UNC13A: variants seen among roughly 807,000 people sequenced by gnomAD.
UNC13A encodes protein unc-13 homolog A.
In UNC13A, 61 loss-of-function variants were observed where a neutral mutation model predicts 219.7. The ratio of observed to expected loss-of-function variants is 0.28; its 90% confidence interval spans 0.23 to 0.34. The LOEUF is 0.34. Ranked by LOEUF, UNC13A falls within the 10% of genes least tolerant of loss-of-function variation. UNC13A has a pLI of 1.00. For synonymous variants in UNC13A, 920 were observed against 884.6 expected (o/e 1.04, Z -0.71); for missense variants, 1,476 against 2,270.3 (o/e 0.65, Z 7.11).
chr19:17,669,493 G>C, intron 5 of UNC13A, 60 bp downstream of exon 5: 1 of 1,588,358 alleles, frequency 6.3e-7, no homozygotes, highest in South Asian at 1.1e-5. Context: ...TCCTGGAATA[G>C]CTGAGTGAGT....
chr19:17,655,428 C>T, intron 10 of UNC13A, 46 bp from the exon 11 acceptor site: 1 of 1,408,824 alleles, frequency 7.1e-7, no homozygotes, highest in East Asian at 2.5e-5. Flanking sequence ...TCTCCGTGAC[C>T]CCTGAACTTC....
intron 34 of UNC13A, 76 bp from the exon 35 acceptor site, chr19:17,625,028 C>G: frequency 6.4e-7 from 1 of 1,556,170 alleles, no homozygotes; most frequent in Non-Finnish European, 8.7e-7. Context: ...AACAGGTGGG[C>G]AAGGCATTCC....
In UNC13A at chr19:17,627,525, G is replaced by T. The variant is rs570450091; in HGVS notation, c.3904C>A (p.Arg1302=). 6.4e-7 allele frequency: 1 copy of T among 1,560,856 alleles called. No homozygotes were observed. The highest frequency in any genetic ancestry group is 8.7e-7 in the Non-Finnish European group (1 of 1,151,966). ...KLNNVLDELS[R]VFATSFQPHI... ...TGCTCCCACCTGGTAGCAAACACCCGGCTGAGCTCATCCAAGACGTTATTG... is the reference window on the plus strand; with the variant it reads ...TGCTCCCACCTGGTAGCAAACACCCTGCTGAGCTCATCCAAGACGTTATTG... Residue 1302 remains arginine, a synonymous_variant, in exon 33 of 44, where the codon CGG becomes AGG. Coordinates refer to ENST00000519716, the MANE Select transcript of UNC13A (RefSeq NM_001080421.3). The surrounding 1 kb of genome is among the most constrained non-coding windows in gnomAD (Gnocchi z 4.7).
At chr19:17,631,283 C>T (rs940329056) in intron 28 of UNC13A, among the ~76,000 whole-genome samples, 2 of 145,338 alleles carry the variant, frequency 1.4e-5, no homozygotes, top group South Asian at 2.3e-4. Context: ...TGCAGTGGTG[C>T]GATCACAGCT....
chr19:17,606,284 G>A lies in UNC13A; in HGVS notation c.4882C>T (p.Arg1628Cys). The change falls in exon 44 of 44, where the codon CGC (arginine) becomes TGC (cysteine). Residue 1628 changes from arginine to cysteine, a missense_variant. This residue lies in a region of UNC13A where 187 missense variants were observed against 172.3 expected (regional missense o/e 1.09). Coordinates refer to ENST00000519716, the MANE Select transcript of UNC13A (RefSeq NM_001080421.3). Reference sequence around the variant, plus strand: ...GCCAGCCCCACCGTGCGGTCCTCGCGCGCGAAGCAGTAGTCCTTGACGCAC... The same window carrying A: ...GCCAGCCCCACCGTGCGGTCCTCGCACGCGAAGCAGTAGTCCTTGACGCAC... ...QVCVKDYCFA[R>C]EDRTVGLAVL... 1 of 1,548,624 alleles carries A rather than the reference G, an allele frequency of 6.5e-7. No homozygotes were observed. Among genetic ancestry groups the A allele is most frequent in the Non-Finnish European group, 8.7e-7 (1 of 1,146,876 alleles).
At chr19:17,624,604 T>C (rs888067711) in intron 35 of UNC13A, among the ~76,000 whole-genome samples, 1 of 152,170 alleles carries the variant, frequency 6.6e-6, no homozygotes, top group Non-Finnish European at 1.5e-5. Flanking sequence ...ATGACCTCTT[T>C]AACTCTTCGA....
intron 1 of UNC13A, among the ~76,000 whole-genome samples, chr19:17,686,246 C>T (rs2080106579): frequency 6.8e-6 from 1 of 147,782 alleles, no homozygotes; most frequent in African/African-American, 2.5e-5. Context: ...CCCTTAATGC[C>T]ACCCCCGCAG....
chr19:17,624,743 AC>A (rs1055500713), intron 35 of UNC13A, 85 bp downstream of exon 35: 6 of 1,498,894 alleles, frequency 4.0e-6, no homozygotes, highest in East Asian at 2.4e-5. Context: ...CTTTGTTCTT[AC>A]CCCCCAGCCT....
chr19:17,606,096 G>A lies in UNC13A; in HGVS notation c.5070C>T (p.Asp1690=), dbSNP rs1347709238. The change falls in exon 44 of 44, where the codon GAC becomes GAT. Residue 1690 remains aspartate, a synonymous_variant. Coordinates refer to ENST00000519716, the MANE Select transcript of UNC13A (RefSeq NM_001080421.3). ...CACCGCCCTCCTCGGCGGAGCGCGTGTCCGACTTGAGCTTCACGAACTCCT... is the reference window on the plus strand; with the variant it reads ...CACCGCCCTCCTCGGCGGAGCGCGTATCCGACTTGAGCTTCACGAACTCCT... The part of the protein sequence containing the change: ...VAKEFVKLKS[D]TRSAEEGGAA... 1 of 1,592,746 alleles carries A rather than the reference G, an allele frequency of 6.3e-7. No individual in the cohort carries two copies. Among genetic ancestry groups the A allele is most frequent in the Non-Finnish European group, 8.5e-7 (1 of 1,172,268 alleles).
intron 28 of UNC13A, 40 bp downstream of exon 28, chr19:17,632,742 A>G (rs372152167): frequency 4.3e-6 from 7 of 1,612,736 alleles, no homozygotes; most frequent in Non-Finnish European, 4.2e-6. Context: ...TGTCAGTGCT[A>G]CAGTTCTGGC....
chr19:17,610,053 C>A lies in UNC13A; in HGVS notation c.4698G>T (p.Arg1566=). ...DLKWQTSGIF[R]PFIEVNIIGP... The stretch of plus-strand genomic sequence containing the variant: ...CAATGATGTTGACCTCGATGAACGG[C>A]CGGAAGATGCCAGAAGTCTGCCACT... The change falls in exon 43 of 44, where the codon CGG becomes CGT. Residue 1566 remains arginine, a synonymous_variant. Coordinates refer to ENST00000519716, the MANE Select transcript of UNC13A (RefSeq NM_001080421.3). The A allele has an allele frequency of 6.2e-7, 1 of 1,614,016 alleles. No individual in the cohort carries two copies. The highest frequency in any genetic ancestry group is 8.5e-7 in the Non-Finnish European group (1 of 1,179,894).
chr19:17,687,099 C>A (rs1181708647), intron 1 of UNC13A, among the ~76,000 whole-genome samples: 1 of 152,216 alleles, frequency 6.6e-6, no homozygotes, highest in East Asian at 1.9e-4. Flanking sequence ...CGCCCAAGGT[C>A]TCCCAGAGTT....
At chr19:17,669,460 G>C in intron 5 of UNC13A, 93 bp downstream of exon 5, 6 of 1,493,208 alleles carry the variant, frequency 4.0e-6, no homozygotes, top group Non-Finnish European at 5.4e-6. Flanking sequence ...GGGTCAGCTA[G>C]ACCTACCCAG....
intron 22 of UNC13A, 127 bp downstream of exon 22, chr19:17,640,384 C>T (rs576769930): frequency 3.1e-5 from 40 of 1,270,608 alleles, no homozygotes; most frequent in Admixed American, 8.7e-5. Context: ...GGCTCAGAGA[C>T]GGGAAGTGAC....
At chr19:17,680,233 C>CT (rs2079981221) in intron 1 of UNC13A, among the ~76,000 whole-genome samples, 6 of 152,136 alleles carry the variant, frequency 3.9e-5, no homozygotes, top group Admixed American at 2.0e-4. Context: ...CTGTCTTCCC[C>CT]GGTCAGTAAA....
chr19:17,656,564 G>A (rs1027733973), intron 9 of UNC13A, among the ~76,000 whole-genome samples, 166 bp from the exon 10 acceptor site: 5 of 152,056 alleles, frequency 3.3e-5, no homozygotes, highest in East Asian at 3.9e-4. Flanking sequence ...AAAAATCCCC[G>A]CTTTTGGCCA....
chr19:17,679,850 T>C (rs1647858634), intron 1 of UNC13A, among the ~76,000 whole-genome samples: 1 of 152,092 alleles, frequency 6.6e-6, no homozygotes, highest in Admixed American at 6.6e-5. Context: ...TCCCTAAGCC[T>C]CAGCTCCTTC....
chr19:17,638,233 G>A (rs1422465544), intron 25 of UNC13A, among the ~76,000 whole-genome samples: 1 of 152,152 alleles, frequency 6.6e-6, no homozygotes. Flanking sequence ...CCAGCACTTT[G>A]GGAGGCTGAG....
chr19:17,641,659 T>C lies in UNC13A; in HGVS notation c.2473-103A>G, dbSNP rs540271147. On this transcript the variant is annotated intron_variant, in intron 20 of 43. Coordinates refer to ENST00000519716, the MANE Select transcript of UNC13A (RefSeq NM_001080421.3). ...CTTACATCATCCATCTGCCTGTTTA[T>C]TCATTAATTCATTCATCTACTCTTT... 21 of 1,156,634 alleles carry C rather than the reference T, an allele frequency of 1.8e-5. No individual in the cohort carries two copies. The South Asian group carries it at 2.3e-4, about 13-fold the overall frequency. The allele number at this position is 1,156,634 out of a possible 1,614,324, so 71.6% of individuals were successfully genotyped here. A position where few individuals can be genotyped will look rare whatever the true frequency, so the allele number is the denominator to read the frequency against.
Sources: allele counts gnomAD v4.1 joint callset (sites outside exome capture counted in the v4.1 genomes callset), GRCh38; gene constraint gnomAD v4.1.1; regional missense constraint gnomAD v4.1.1; non-coding constraint Gnocchi (gnomAD v3.1); transcripts MANE v1.5; gene names NCBI Gene and HGNC (gene_info 2026-07-23, HGNC 2026-07-21).